Variants in KLF5 observed in about 807,000 individuals in gnomAD.
KLF5 encodes the protein KLF transcription factor 5.
In KLF5, 9 loss-of-function variants were observed where a neutral mutation model predicts 36.9. The ratio of observed to expected loss-of-function variants is 0.24; its 90% CI spans 0.15 to 0.43. The LOEUF (loss-of-function observed/expected upper bound fraction) is 0.43. Among genes scored for constraint, KLF5 ranks in the 20% least tolerant of loss-of-function variants. KLF5 has a pLI of 1.00. For missense variants in KLF5, 524 were observed against 599.5 expected (o/e 0.87, Z 1.31); for synonymous variants, 246 against 241.7 (o/e 1.02, Z -0.17).
chr13:73,065,348 A>G (rs1464671220), intron 3 of KLF5, among the ~76,000 whole-genome samples: 1 of 152,230 alleles, frequency 6.6e-6, no homozygotes, highest in Admixed American at 6.5e-5. Context: ...GTTAGGAAGC[A>G]TTGCTTGATA....
chr13:73,064,002 TTTA>T, intron 3 of KLF5, 119 bp downstream of exon 3: 3 of 604,314 alleles, frequency 5.0e-6, no homozygotes, highest in Admixed American at 3.3e-5. Flanking sequence ...TTTTTTTTTT[TTTA>T]AATAGCCTAC....
At chr13:73,060,061 C>A (rs2044621749) in intron 1 of KLF5, among the ~76,000 whole-genome samples, 1 of 150,698 alleles carries the variant, frequency 6.6e-6, no homozygotes, top group Non-Finnish European at 1.5e-5. Context: ...AGGTTTCATA[C>A]CCGGTGGCTC....
chr13:73,062,893 CT>C (rs368237900), intron 2 of KLF5, among the ~76,000 whole-genome samples, 159 bp downstream of exon 2: 17,650 of 146,506 alleles, frequency 0.12, 1,241 homozygotes, highest in Non-Finnish European at 0.17. Context: ...AAAAAATTAC[CT>C]TTTTTTTTTT....
intron 3 of KLF5, among the ~76,000 whole-genome samples, chr13:73,071,544 T>G (rs997576978): frequency 1.3e-5 from 2 of 151,164 alleles, no homozygotes; most frequent in African/African-American, 4.8e-5. Flanking sequence ...ATCATCCTCC[T>G]ACTTTATCTC....
chr13:73,068,630 C>T (rs529566545), intron 3 of KLF5, among the ~76,000 whole-genome samples: 170 of 147,358 alleles, frequency 1.2e-3, no homozygotes, highest in African/African-American at 4.0e-3. Context: ...TTTGAACCCA[C>T]GAGGCGGAGG....
chr13:73,068,300 T>G (rs185427381), intron 3 of KLF5, among the ~76,000 whole-genome samples: 1 of 152,362 alleles, frequency 6.6e-6, no homozygotes, highest in East Asian at 1.9e-4. Context: ...TATTGCCTAC[T>G]GACATGTGTA....
intron 3 of KLF5, among the ~76,000 whole-genome samples, chr13:73,068,163 C>T (rs532559345): frequency 1.3e-5 from 2 of 152,098 alleles, no homozygotes; most frequent in Non-Finnish European, 2.9e-5. Context: ...TCTTAAAGCA[C>T]TGTGTTCAAG....
chr13:73,061,817 G>C, intron 1 of KLF5, 44 bp from the exon 2 acceptor site: 1 of 1,571,854 alleles, frequency 6.4e-7, no homozygotes, highest in Non-Finnish European at 8.7e-7. Context: ...TTCCCGAGAT[G>C]GTGAATCAGG....
At chr13:73,063,983 C>A (rs1225444252) in intron 3 of KLF5, 100 bp downstream of exon 3, 50 of 351,396 alleles carry the variant, frequency 1.4e-4, no homozygotes, top group East Asian at 4.1e-4. Flanking sequence ...CTCCTGTCAA[C>A]TTTGTTTTTT....
intron 3 of KLF5, among the ~76,000 whole-genome samples, chr13:73,074,760 A>G (rs529710475): frequency 6.6e-6 from 1 of 152,334 alleles, no homozygotes; most frequent in Non-Finnish European, 1.5e-5. Flanking sequence ...AGAACTGTGA[A>G]AGAATGGAAT....
intron 1 of KLF5, chr13:73,059,913 C>T (rs73220641): frequency 0.29 from 138,919 of 483,092 alleles, 22,512 homozygotes; most frequent in Non-Finnish European, 0.32. Flanking sequence ...AAACCTTGTA[C>T]CTTACGCTCA....
upstream of KLF5, among the ~76,000 whole-genome samples, chr13:73,057,126 AC>A (rs1183631084): frequency 1.3e-5 from 2 of 152,220 alleles, no homozygotes; most frequent in Non-Finnish European, 2.9e-5. Flanking sequence ...ACATTAAGAT[AC>A]AGCTACCGAA....
chr13:73,059,811 A>G, intron 1 of KLF5: 2 of 901,394 alleles, frequency 2.2e-6, no homozygotes, highest in Non-Finnish European at 2.7e-6. Context: ...ATGGAGGGGA[A>G]TCTGCCCCGG....
chr13:73,061,534 G>A (rs1280475869), intron 1 of KLF5, among the ~76,000 whole-genome samples: 1 of 152,210 alleles, frequency 6.6e-6, no homozygotes, highest in East Asian at 1.9e-4. Flanking sequence ...AGGGAATCCT[G>A]CTTGTACAGG....
chr13:73,068,041 A>G (rs1336188361), intron 3 of KLF5, among the ~76,000 whole-genome samples: 2 of 151,586 alleles, frequency 1.3e-5, no homozygotes, highest in Non-Finnish European at 1.5e-5. Flanking sequence ...GGGTTTCACC[A>G]TGTTGGCCAG....
rs772431123 is a variant in KLF5, at chr13:73,075,873, G to A, written c.1361G>A (p.Arg454Lys). 6.2e-7 allele frequency: 1 copy of A among 1,601,926 alleles called. No individual in the cohort carries two copies. Among genetic ancestry groups the A allele is most frequent in the South Asian group, 1.1e-5 (1 of 90,570 alleles). ...RSDHLALHMK[R>K]HQN is the part of the protein sequence containing the mutation. ...GACCACCTGGCCCTGCATATGAAGAGGCACCAGAACTGAGCACTGCCCGTG... is the reference window on the plus strand; with the variant it reads ...GACCACCTGGCCCTGCATATGAAGAAGCACCAGAACTGAGCACTGCCCGTG... Residue 454 changes from arginine to lysine, a missense_variant, in exon 4 of 4, where the codon AGG becomes AAG. Arg to Lys is a conservative substitution (Grantham distance 26, BLOSUM62 2). Coordinates refer to ENST00000377687, the MANE Select transcript of KLF5 (RefSeq NM_001730.5).
chr13:73,058,620 A>G (rs1242139953), upstream of KLF5, among the ~76,000 whole-genome samples: 3 of 152,204 alleles, frequency 2.0e-5, no homozygotes, highest in African/African-American at 7.2e-5. Context: ...CACAACACCT[A>G]AGACGTGCAA....
rs2044613659 is a variant in KLF5, at chr13:73,059,526, G to T, written c.199G>T (p.Ala67Ser). 2 of 1,197,074 alleles carry T rather than the reference G, an allele frequency of 1.7e-6. No homozygotes were observed. The highest frequency in any genetic ancestry group is 2.1e-6 in the Non-Finnish European group (2 of 969,528). The allele number at this position is 1,197,074 out of a possible 1,614,324, so 74.2% of individuals were successfully genotyped here. ...GCAGGCGCAGCCCGCGCCCGCGCAGGCCCCGCAGCCGGCCCAGCCGCCCGC... is the reference window on the plus strand; with the variant it reads ...GCAGGCGCAGCCCGCGCCCGCGCAGTCCCCGCAGCCGGCCCAGCCGCCCGC... ...RPQAQPAPAQ[A>S]PQPAQPPATG... The change falls in exon 1 of 4, where the codon GCC becomes TCC. Residue 67 changes from alanine to serine, a missense_variant. Transcript: ENST00000377687.
Position 73,076,160 on chromosome 13 carries a change from A to T in KLF5, c.*274A>T. The stretch of plus-strand genomic sequence containing the variant: ...CAGGCAGCCACGTCTCAACATGGGT[A>T]AGGGGTGGGGGTGGAGGGGAGTGTG... On this transcript the variant is annotated 3_prime_UTR_variant, in exon 4 of 4. Coordinates refer to ENST00000377687, the MANE Select transcript of KLF5 (RefSeq NM_001730.5). 7.0e-6 allele frequency: 2 copies of T among 284,734 alleles called. No individual in the cohort carries two copies. The highest frequency in any genetic ancestry group is 6.5e-6 in the Non-Finnish European group (1 of 153,864). 17.6% of individuals were successfully genotyped at this position (284,734 alleles called of 1,614,324 possible). A position where few individuals can be genotyped will look rare whatever the true frequency, so the allele number is the denominator to read the frequency against.
Sources: gnomAD v4.1 joint callset for allele counts (sites outside exome capture counted in the v4.1 genomes callset) on GRCh38, gnomAD v4.1.1 for gene constraint, MANE v1.5 for transcripts, NCBI Gene and HGNC (gene_info 2026-07-23, HGNC 2026-07-21) for gene names.